OPA1: variants seen among roughly 807,000 people sequenced by gnomAD.
OPA1 encodes the protein dynamin-like GTPase OPA1, mitochondrial.
OPA1 carries 59 observed loss-of-function variants against 152.9 expected under a neutral mutation model. That is an observed-to-expected ratio of 0.39 (90% confidence interval 0.31 to 0.48). The LOEUF is 0.48. OPA1 is among the 20% of genes least tolerant of loss of function. The pLI is 0.96. For synonymous variants in OPA1, 400 were observed against 389.9 expected, an observed-to-expected ratio of 1.03 and a Z score of -0.31; for missense variants, 1,008 against 1,216.8, an observed-to-expected ratio of 0.83 and a Z score of 2.55.
intron 25 of OPA1, among the ~76,000 whole-genome samples, chr3:193,661,749 A>G (rs1350599881): frequency 6.6e-6 from 1 of 152,200 alleles, no homozygotes; most frequent in Non-Finnish European, 1.5e-5. Context: ...AAGTGTGGTG[A>G]CAGTCAAATG....
rs201202646 is a variant in OPA1, at chr3:193,626,198, G to A, written c.785G>A (p.Arg262His). The change falls in exon 7 of 31, where the codon CGC (arginine) becomes CAC (histidine). Residue 262 changes from arginine to histidine, a missense_variant. Transcript: ENST00000361510. ...QYSTSYAQQK[R>H]KVSDKEKIDQ... ...AGCACGAGCTATGCCCAACAGAAGCGCAAGGTGATGGATGGTTTAAGGGGG... is the reference window on the plus strand; with the variant it reads ...AGCACGAGCTATGCCCAACAGAAGCACAAGGTGATGGATGGTTTAAGGGGG... 1.9e-5 allele frequency: 31 copies of A among 1,611,516 alleles called. No homozygotes were observed. Among genetic ancestry groups the A allele is most frequent in the Non-Finnish European group, 2.3e-5 (27 of 1,177,646 alleles).
rs569380650 is a variant in OPA1 at position 193,645,433 on chromosome 3, G to A, written c.1609-120G>A. ...ATGGAAAAACATTTTAAATGCTTTT[G>A]TGCAGATTTATTTAACTATATACAT... On this transcript the variant is annotated intron_variant, in intron 16 of 30. Coordinates refer to ENST00000361510, the MANE Select transcript of OPA1 (RefSeq NM_130837.3). 8.9e-6 allele frequency: 6 copies of A among 672,666 alleles called. No homozygotes were observed. The South Asian group carries it at 1.2e-4, about 13-fold the overall frequency. 41.7% of individuals were successfully genotyped at this position (672,666 alleles called of 1,614,324 possible).
In OPA1 at chr3:193,593,765, C is replaced by T. The variant is rs1725036802; in HGVS notation, c.32+356C>T. On this transcript the variant is annotated intron_variant, in intron 1 of 30. Transcript: ENST00000361510. ...TGCCTTTTTTCTGTCCTCTCCCTGC[C>T]AGGTTTGGCTCTGTCCATGAGTCAC... 2.6e-5 allele frequency among the ~76,000 whole-genome samples: 4 copies of T among 151,926 alleles called. No individual in the cohort carries two copies. The South Asian group carries it at 8.3e-4, about 32-fold the overall frequency.
At chr3:193,601,328 A>C (rs1257481093) in intron 1 of OPA1, among the ~76,000 whole-genome samples, 1 of 152,154 alleles carries the variant, frequency 6.6e-6, no homozygotes, top group Non-Finnish European at 1.5e-5. Flanking sequence ...TCCAAGTATA[A>C]GGGCTATCAT....
chr3:193,677,643 G>A (rs1348824783), intron 29 of OPA1, among the ~76,000 whole-genome samples: 2 of 152,106 alleles, frequency 1.3e-5, no homozygotes, highest in Non-Finnish European at 2.9e-5. Context: ...CAGGTAGTTG[G>A]AGAAATTAGT....
intron 29 of OPA1, among the ~76,000 whole-genome samples, chr3:193,676,959 T>C (rs188708922): frequency 0.085 from 10,174 of 120,000 alleles, 406 homozygotes; most frequent in Middle Eastern, 0.1. Context: ...CCAGCCTGGG[T>C]GACAGAGCAA....
intron 25 of OPA1, among the ~76,000 whole-genome samples, chr3:193,662,231 A>G (rs1269614112): frequency 6.6e-6 from 1 of 152,192 alleles, no homozygotes; most frequent in African/African-American, 2.4e-5. Flanking sequence ...GATTATGAAT[A>G]ATTACAGATA....
In OPA1 at chr3:193,692,149, T is replaced by C. The variant is rs1198372107; in HGVS notation, c.*5+17T>C. 1.5e-6 allele frequency: 2 copies of C among 1,315,312 alleles called. No homozygotes were observed. The highest frequency in any genetic ancestry group is 2.2e-6 in the Non-Finnish European group (2 of 925,720). The allele number at this position is 1,315,312 out of a possible 1,614,324, so 81.5% of individuals were successfully genotyped here. A position where few individuals can be genotyped will look rare whatever the true frequency, so the allele number is the denominator to read the frequency against. On this transcript the variant is annotated intron_variant, in intron 30 of 30. Coordinates refer to ENST00000361510, the MANE Select transcript of OPA1 (RefSeq NM_130837.3). ...ATAAATTAAGTGAGTAAAAATTCTC[T>C]AACTGTATTGGTGCTGACTAAATAC...
At chr3:193,686,772 A>G (rs998245007) in intron 29 of OPA1, among the ~76,000 whole-genome samples, 4 of 152,234 alleles carry the variant, frequency 2.6e-5, no homozygotes, top group Non-Finnish European at 5.9e-5. Flanking sequence ...ATAGCTTTCT[A>G]CAGTAGAATC....
chr3:193,617,362 C>G (rs1390643839), intron 4 of OPA1, 77 bp downstream of exon 4: 2 of 838,446 alleles, frequency 2.4e-6, no homozygotes, highest in Non-Finnish European at 3.9e-6. Flanking sequence ...TTTGTTTATT[C>G]CCATTTTTTT....
At chr3:193,656,401 T>C (rs1713826475) in intron 22 of OPA1, among the ~76,000 whole-genome samples, 1 of 152,168 alleles carries the variant, frequency 6.6e-6, no homozygotes, top group African/African-American at 2.4e-5. Flanking sequence ...AAAGCCCACA[T>C]AGTTATAAGT....
intron 27 of OPA1, 34 bp downstream of exon 27, chr3:193,665,030 A>G: frequency 8.6e-7 from 1 of 1,168,406 alleles, no homozygotes; most frequent in Non-Finnish European, 1.3e-6. Flanking sequence ...AAGTATTTTT[A>G]AGCAACAGTT....
At chr3:193,613,610 C>A (rs1304262323) in intron 1 of OPA1, among the ~76,000 whole-genome samples, 1 of 151,530 alleles carries the variant, frequency 6.6e-6, no homozygotes, top group African/African-American at 2.4e-5. Context: ...TGGAGTCTCA[C>A]TCTGTTGCCC....
intron 1 of OPA1, among the ~76,000 whole-genome samples, chr3:193,596,481 CCT>C (rs1386145238): frequency 4.0e-5 from 6 of 150,188 alleles, no homozygotes; most frequent in African/African-American, 1.5e-4. Context: ...CTCAGGTAAT[CCT>C]CTCACCTTGG....
At chr3:193,672,393 T>C (rs1718124540) in intron 29 of OPA1, among the ~76,000 whole-genome samples, 1 of 152,212 alleles carries the variant, frequency 6.6e-6, no homozygotes, top group Non-Finnish European at 1.5e-5. Flanking sequence ...TATTGTTTTT[T>C]CTGTGAACAT....
rs1350227332 is a variant in OPA1, at chr3:193,695,361, G to T, written c.*761G>T. ...TACGTTAGGCTTTCTGTTAATAGTG[G>T]TTTTTCTCCTGTTGACAGAGCCACC... On this transcript the variant is annotated 3_prime_UTR_variant, in exon 31 of 31. Coordinates refer to ENST00000361510, the MANE Select transcript of OPA1 (RefSeq NM_130837.3). The T allele has an allele frequency of 6.6e-6, 1 of 152,096 alleles. No individual in the cohort carries two copies. Among genetic ancestry groups the T allele is most frequent in the Non-Finnish European group, 1.5e-5 (1 of 67,994 alleles). The allele number at this position is 152,096 out of a possible 1,614,324, so 9.4% of individuals were successfully genotyped here.
rs953732824 is a variant in OPA1, at chr3:193,608,156, A to G, written c.33-6567A>G. Among the ~76,000 whole-genome samples, 28 of 152,086 alleles carry G rather than the reference A, an allele frequency of 1.8e-4. 1 individual carries two copies. The highest frequency in any genetic ancestry group is 3.4e-3 in the Middle Eastern group (1 of 294). ...TGTTGATCTTTTCGAAAAACCAGTT[A>G]CTGGATTCATTGATTTTTTGAAGGG... On this transcript the variant is annotated intron_variant, in intron 1 of 30. Coordinates refer to ENST00000361510, the MANE Select transcript of OPA1 (RefSeq NM_130837.3).
chr3:193,638,948 G>A (rs1253805889), intron 11 of OPA1, among the ~76,000 whole-genome samples: 2 of 152,128 alleles, frequency 1.3e-5, no homozygotes, highest in Admixed American at 6.6e-5. Context: ...AAATATTGTC[G>A]GAGCAAGTGG....
In OPA1 at chr3:193,667,285, GT is replaced by G; in HGVS notation, c.2983+6del. ...TTCAACTGGCGGAAGACCTCAGTGAGTAGTTCTTACTGCCCTCTACCTTACT... is the reference window on the plus strand; with the variant it reads ...TTCAACTGGCGGAAGACCTCAGTGAGAGTTCTTACTGCCCTCTACCTTACT... On this transcript the variant is annotated splice_donor_region_variant and intron_variant, in intron 29 of 30. Transcript: ENST00000361510. 1 of 1,365,700 alleles carries G rather than the reference GT, an allele frequency of 7.3e-7. No individual in the cohort carries two copies. Among genetic ancestry groups the G allele is most frequent in the South Asian group, 1.2e-5 (1 of 86,134 alleles). 84.6% of individuals were successfully genotyped at this position (1,365,700 alleles called of 1,614,324 possible).
Sources: allele counts gnomAD v4.1 joint callset (sites outside exome capture counted in the v4.1 genomes callset), GRCh38; gene constraint gnomAD v4.1.1; transcripts MANE v1.5; gene names NCBI Gene and HGNC (gene_info 2026-07-23, HGNC 2026-07-21).